Variants in MYH7B observed in about 807,000 individuals in gnomAD.
MYH7B encodes the protein myosin-7B.
MYH7B carries 205 observed loss-of-function variants against 234.5 expected under a neutral mutation model. The ratio of observed to expected loss-of-function variants is 0.87; its 90% confidence interval spans 0.78 to 0.98. The LOEUF is 0.98. Among genes scored for constraint, MYH7B ranks in the 50% least tolerant of loss-of-function variants. The pLI, the probability that MYH7B is intolerant of heterozygous loss-of-function variation, is 0.00. For missense variants in MYH7B, 2,652 were observed against 2,633.4 expected (o/e 1.01, Z -0.15); for synonymous variants, 1,193 against 1,105.0 (o/e 1.08, Z -1.58).
Position 34,997,146 on chromosome 20 carries a change from G to A in MYH7B, c.3330G>A (p.Gln1110=), listed in dbSNP as rs1600467778. ...AAGACGAGCAGCTCTTGGGGGCCCAGATGCAGAAGAAGATCAAGGAGCTGC... is the reference window on the plus strand; with the variant it reads ...AAGACGAGCAGCTCTTGGGGGCCCAAATGCAGAAGAAGATCAAGGAGCTGC... Residue 1110 remains glutamine, a synonymous_variant, in exon 31 of 45, where the codon CAG becomes CAA. Transcript: ENST00000262873. 1 of 1,549,702 alleles carries A rather than the reference G, an allele frequency of 6.5e-7. No homozygotes were observed. Among genetic ancestry groups the A allele is most frequent in the Admixed American group, 2.0e-5 (1 of 51,012 alleles).
chr20:34,983,712 G>T (rs1472988481), intron 10 of MYH7B, among the ~76,000 whole-genome samples: 3 of 152,244 alleles, frequency 2.0e-5, no homozygotes, highest in African/African-American at 7.2e-5. Context: ...AAACGGGCTA[G>T]AGAGAGCCCT....
At position 34,994,419 on chromosome 20, in the gene MYH7B, T is replaced by C; in HGVS notation, c.2700+18T>C. 1 of 1,552,408 alleles carries C rather than the reference T, an allele frequency of 6.4e-7. No individual in the cohort carries two copies. The highest frequency in any genetic ancestry group is 2.3e-5 in the East Asian group (1 of 44,260). On this transcript the variant is annotated intron_variant, in intron 27 of 44. Coordinates refer to ENST00000262873, the Ensembl canonical transcript of MYH7B. ...TGCAGGCTGTGAGTCAGGGTTCCCC[T>C]TGTGACCGGGCGTCCCCAGCCCCGA... is the stretch of plus-strand genomic sequence containing the variant.
chr20:34,994,496 C>T (rs2082216618), intron 27 of MYH7B, 95 bp downstream of exon 27: 3 of 1,378,908 alleles, frequency 2.2e-6, no homozygotes, highest in Non-Finnish European at 2.9e-6. Context: ...GGGGCTCAGG[C>T]CTTATGTCTC....
exon 36 of MYH7B, chr20:34,999,152 G>T (rs1401998733): frequency 6.2e-7 from 1 of 1,612,716 alleles, no homozygotes; most frequent in Admixed American, 1.7e-5. Flanking sequence ...TGCGGCTACA[G>T]ACAGAGTCAG....
intron 2 of MYH7B, among the ~76,000 whole-genome samples, chr20:34,973,312 G>A (rs911623466): frequency 1.3e-5 from 2 of 152,226 alleles, no homozygotes; most frequent in Admixed American, 1.3e-4. Flanking sequence ...CCGTGTTGAT[G>A]TCTTCCTTGA....
At chr20:34,992,385 CAAAAA>C (rs57996416) in intron 24 of MYH7B, among the ~76,000 whole-genome samples, 2 of 97,954 alleles carry the variant, frequency 2.0e-5, no homozygotes, top group African/African-American at 7.9e-5. Flanking sequence ...GACTCCGTCT[CAAAAA>C]AAAAAAAAAA....
chr20:34,975,993 G>A (rs1015437108), intron 3 of MYH7B, among the ~76,000 whole-genome samples: 1 of 152,210 alleles, frequency 6.6e-6, no homozygotes, highest in African/African-American at 2.4e-5. Context: ...TGGGATTACA[G>A]GCGTGAGCCA....
At chr20:34,993,074 C>G (rs780133484) in intron 24 of MYH7B, 28 bp from the exon 25 acceptor site, 20 of 1,602,420 alleles carry the variant, frequency 1.2e-5, no homozygotes, top group Non-Finnish European at 1.7e-5. Flanking sequence ...CCAGCCCTCT[C>G]CTGACCAGCT....
intron 19 of MYH7B, among the ~76,000 whole-genome samples, chr20:34,989,090 G>A (rs563662543): frequency 2.0e-5 from 3 of 152,284 alleles, no homozygotes; most frequent in South Asian, 4.1e-4. Context: ...GATTACAGGC[G>A]TGGGCCACTG....
At chr20:34,987,313 A>C (rs374341897) in intron 16 of MYH7B, 26 bp downstream of exon 16, 1 of 1,607,592 alleles carries the variant, frequency 6.2e-7, no homozygotes, top group Non-Finnish European at 8.5e-7. Flanking sequence ...CTGGCCTTCA[A>C]CTTGACCCAG....
At chr20:35,001,507 A>C (rs761992317) in exon 43 of MYH7B, 2 of 1,609,388 alleles carry the variant, frequency 1.2e-6, no homozygotes, top group Non-Finnish European at 1.7e-6. Context: ...AAGAGCTACA[A>C]GCGCCAGTTT....
exon 43 of MYH7B, chr20:35,001,491 A>G (rs1205309148): frequency 1.9e-6 from 3 of 1,610,410 alleles, no homozygotes; most frequent in African/African-American, 1.3e-5. Flanking sequence ...GCTGCAGAGC[A>G]AGGTCAAGAG....
At chr20:34,980,102 C>T in intron 7 of MYH7B, 1 of 465,554 alleles carries the variant, frequency 2.1e-6, no homozygotes, top group Non-Finnish European at 4.0e-6. Flanking sequence ...TGGGCTGGGG[C>T]AGGGCTGTGA....
At chr20:34,992,663 G>A (rs2082177706) in intron 24 of MYH7B, among the ~76,000 whole-genome samples, 1 of 148,038 alleles carries the variant, frequency 6.8e-6, no homozygotes, top group African/African-American at 2.5e-5. Context: ...TGAGGTTCAA[G>A]CGATTCTGCA....
chr20:34,962,176 A>G (rs965523048), intron 2 of MYH7B, among the ~76,000 whole-genome samples: 1 of 152,172 alleles, frequency 6.6e-6, no homozygotes. Context: ...GCAGGGACCT[A>G]TGGTCACGCC....
In MYH7B at chr20:35,001,254, C is replaced by G. The variant is rs762589286; in HGVS notation, c.5485C>G (p.Leu1829Val). Residue 1829 changes from leucine (L) to valine (V), a missense_variant, in exon 42 of 45, where the codon CTG becomes GTG. By Grantham distance (32) the Leu-to-Val change is conservative. Transcript: ENST00000262873. ...GTCCCCCTGCCTGCAGGTACGGGAG[C>G]TGGAGGCTGAGCTTGATGCAGAGCA... is the stretch of plus-strand genomic sequence containing the variant. 1.9e-6 allele frequency: 3 copies of G among 1,610,622 alleles called. No individual in the cohort carries two copies. In the African/African-American group the frequency reaches 4.0e-5, roughly 22 times the overall value.
intron 2 of MYH7B, among the ~76,000 whole-genome samples, chr20:34,968,717 C>T (rs1457846720): frequency 6.6e-6 from 1 of 152,242 alleles, no homozygotes. Flanking sequence ...TTAGCCCTTC[C>T]TGTCTCTTCC....
intron 2 of MYH7B, among the ~76,000 whole-genome samples, chr20:34,966,117 G>A (rs1321653214): frequency 6.6e-6 from 1 of 152,230 alleles, no homozygotes; most frequent in East Asian, 1.9e-4. Context: ...GCCCTAGAAA[G>A]CTGGAACAAG....
intron 13 of MYH7B, 57 bp from the exon 14 acceptor site, chr20:34,986,043 G>A: frequency 6.9e-7 from 1 of 1,446,516 alleles, no homozygotes; most frequent in Non-Finnish European, 9.5e-7. Flanking sequence ...TCGCCCCCTT[G>A]GGATGTCCAC....
Sources: allele counts gnomAD v4.1 joint callset (sites outside exome capture counted in the v4.1 genomes callset), GRCh38; gene constraint gnomAD v4.1.1; transcripts MANE v1.5; gene names NCBI Gene and HGNC (gene_info 2026-07-23, HGNC 2026-07-21).